The following LRMDA variants were observed in gnomAD, a reference collection of about 807,000 sequenced individuals.
LRMDA encodes the protein leucine-rich melanocyte differentiation-associated protein.
In LRMDA, 18 loss-of-function variants were observed where a neutral mutation model predicts 29.8. The observed-to-expected ratio is 0.60, with a 90% CI of 0.42 to 0.90. The LOEUF (loss-of-function observed/expected upper bound fraction) is 0.90. Ranked by LOEUF, LRMDA falls within the 40% of genes least tolerant of loss-of-function variation. LRMDA has a pLI of 0.00. For missense variants in LRMDA, 273 were observed against 273.9 expected, an observed-to-expected ratio of 1.00 and a Z score of 0.02; for synonymous variants, 125 against 109.4, an observed-to-expected ratio of 1.14 and a Z score of -0.89.
chr10:76,254,358 C>G (rs28744525), intron 5 of LRMDA, among the ~76,000 whole-genome samples: 291 of 131,380 alleles, frequency 2.2e-3, no homozygotes, highest in African/African-American at 6.8e-3. Context: ...CCTATCCTAT[C>G]CTATGCTATG....
At chr10:75,599,906 G>C (rs1840860023) in intron 2 of LRMDA, among the ~76,000 whole-genome samples, 1 of 152,192 alleles carries the variant, frequency 6.6e-6, no homozygotes, top group South Asian at 2.1e-4. Context: ...GTGGTGACAA[G>C]AGTCAGGACT....
intron 2 of LRMDA, among the ~76,000 whole-genome samples, chr10:75,913,970 C>T (rs941730611): frequency 2.0e-5 from 3 of 152,254 alleles, no homozygotes; most frequent in Non-Finnish European, 4.4e-5. Flanking sequence ...GCTGCAGCAT[C>T]ACCCTCCTTG....
chr10:76,106,327 C>G (rs779510104), intron 5 of LRMDA, among the ~76,000 whole-genome samples: 2 of 152,216 alleles, frequency 1.3e-5, no homozygotes, highest in Non-Finnish European at 2.9e-5. Flanking sequence ...TTTTCACCCA[C>G]TATGCTTAAC....
At chr10:76,485,128 A>G (rs1251532325) in intron 6 of LRMDA, among the ~76,000 whole-genome samples, 1 of 151,770 alleles carries the variant, frequency 6.6e-6, no homozygotes, top group African/African-American at 2.4e-5. Flanking sequence ...GACTATTTTC[A>G]TTTACAGTGA....
chr10:76,132,815 C>T (rs931960748), intron 5 of LRMDA, among the ~76,000 whole-genome samples: 25 of 147,440 alleles, frequency 1.7e-4, no homozygotes, highest in Non-Finnish European at 3.1e-4. Context: ...TCTTTTTTGG[C>T]GGGGGGGGTC....
chr10:76,093,636 T>A (rs1849268656), intron 5 of LRMDA, among the ~76,000 whole-genome samples: 1 of 152,156 alleles, frequency 6.6e-6, no homozygotes, highest in African/African-American at 2.4e-5. Flanking sequence ...AACAGTCTTG[T>A]CCCGATTCCT....
At chr10:75,624,870 A>T (rs1841231587) in intron 2 of LRMDA, among the ~76,000 whole-genome samples, 1 of 152,184 alleles carries the variant, frequency 6.6e-6, no homozygotes, top group Non-Finnish European at 1.5e-5. Context: ...TAGTCAGAGG[A>T]TCATATTGCA....
chr10:76,304,768 G>T (rs924037039), intron 5 of LRMDA, among the ~76,000 whole-genome samples: 1 of 152,192 alleles, frequency 6.6e-6, no homozygotes, highest in African/African-American at 2.4e-5. Flanking sequence ...TCTAGTAGGG[G>T]GACAACTCAG....
chr10:76,352,926 C>G (rs1489471427), intron 6 of LRMDA, among the ~76,000 whole-genome samples: 1 of 152,170 alleles, frequency 6.6e-6, no homozygotes, highest in East Asian at 1.9e-4. Context: ...GCCATATCCA[C>G]TTTTGGTAAA....
chr10:75,667,200 C>T (rs1841833000), intron 2 of LRMDA, among the ~76,000 whole-genome samples: 1 of 137,552 alleles, frequency 7.3e-6, no homozygotes, highest in South Asian at 2.4e-4. Flanking sequence ...CGGTATTTGT[C>T]CTTTTCTAAT....
At chr10:76,297,320 G>GA (rs1840423882) in intron 5 of LRMDA, among the ~76,000 whole-genome samples, 1 of 152,202 alleles carries the variant, frequency 6.6e-6, no homozygotes, top group Non-Finnish European at 1.5e-5. Flanking sequence ...AGAGGTATCT[G>GA]AAGGGGCTTT....
At chr10:76,129,503 TG>T (rs1447463693) in intron 5 of LRMDA, among the ~76,000 whole-genome samples, 1 of 152,032 alleles carries the variant, frequency 6.6e-6, no homozygotes, top group Non-Finnish European at 1.5e-5. Flanking sequence ...CCTTCTTGGG[TG>T]TAGGGTACTC....
At chr10:76,056,399 G>A (rs761839252) in intron 4 of LRMDA, among the ~76,000 whole-genome samples, 1 of 152,216 alleles carries the variant, frequency 6.6e-6, no homozygotes, top group Non-Finnish European at 1.5e-5. Flanking sequence ...TGGCCTGATG[G>A]TGGGGTTTCA....
At chr10:76,164,147 C>A (rs576885459) in intron 5 of LRMDA, among the ~76,000 whole-genome samples, 4 of 151,946 alleles carry the variant, frequency 2.6e-5, no homozygotes, top group African/African-American at 9.6e-5. Context: ...GATGAGAAAT[C>A]AGAGGTAAGG....
intron 5 of LRMDA, among the ~76,000 whole-genome samples, chr10:76,222,064 A>G (rs1431924763): frequency 6.6e-6 from 1 of 152,088 alleles, no homozygotes; most frequent in East Asian, 1.9e-4. Context: ...CTGGCTAGCC[A>G]TATGTAGAAA....
At chr10:75,976,783 G>A (rs1847079269) in intron 2 of LRMDA, among the ~76,000 whole-genome samples, 1 of 152,160 alleles carries the variant, frequency 6.6e-6, no homozygotes, top group Non-Finnish European at 1.5e-5. Flanking sequence ...TAGCTCAAGG[G>A]CATACAGCTA....
chr10:76,175,966 C>T (rs539670218), intron 5 of LRMDA, among the ~76,000 whole-genome samples: 1 of 152,248 alleles, frequency 6.6e-6, no homozygotes, highest in Admixed American at 6.5e-5. Context: ...CCTGCCATAG[C>T]GATGTACACT....
At chr10:75,610,337 C>A (rs550415632) in intron 2 of LRMDA, among the ~76,000 whole-genome samples, 11 of 151,794 alleles carry the variant, frequency 7.2e-5, no homozygotes, top group Non-Finnish European at 7.4e-5. Context: ...CCACACCTCC[C>A]ACATCCCTCA....
intron 6 of LRMDA, among the ~76,000 whole-genome samples, chr10:76,330,515 A>C (rs1335811865): frequency 6.6e-6 from 1 of 152,118 alleles, no homozygotes; most frequent in East Asian, 1.9e-4. Flanking sequence ...TGAATTTTCT[A>C]GGTTTTATGG....
Sources: allele counts gnomAD v4.1 joint callset (sites outside exome capture counted in the v4.1 genomes callset), GRCh38; gene constraint gnomAD v4.1.1; transcripts MANE v1.5; gene names NCBI Gene and HGNC (gene_info 2026-07-23, HGNC 2026-07-21).